Variants in ST6GAL2 observed in about 807,000 individuals in gnomAD.
The protein encoded by ST6GAL2 is beta-galactoside alpha-2,6-sialyltransferase 2.
Under a neutral mutation model 37.5 loss-of-function variants are expected in ST6GAL2, and 24 were observed. The ratio of observed to expected loss-of-function variants is 0.64; its 90% confidence interval spans 0.46 to 0.90. The LOEUF is 0.90. Ranked by LOEUF, ST6GAL2 falls within the 40% of genes least tolerant of loss-of-function variation. The pLI is 0.00. For missense variants in ST6GAL2, 715 were observed against 712.7 expected, an observed-to-expected ratio of 1.00 and a Z score of -0.04; for synonymous variants, 306 against 295.1, an observed-to-expected ratio of 1.04 and a Z score of -0.38.
intron 1 of ST6GAL2, among the ~76,000 whole-genome samples, chr2:106,868,267 GA>G: frequency 6.6e-6 from 1 of 152,262 alleles, no homozygotes; most frequent in Middle Eastern, 3.4e-3. Context: ...TGTTAAAACA[GA>G]AGGAAAAGAA....
In ST6GAL2 at chr2:106,805,044, T is replaced by C. The variant is rs540529654; in HGVS notation, c.*1634A>G. The C allele has an allele frequency of 1.3e-5, 2 of 152,314 alleles. No individual in the cohort carries two copies. Among genetic ancestry groups the C allele is most frequent in the East Asian group, 3.9e-4 (2 of 5,186 alleles). 9.4% of individuals were successfully genotyped at this position (152,314 alleles called of 1,614,324 possible). ...TCTCCTTCACTATTATAGCAAGCTA[T>C]AGGAGATGTCTTGTTTTCCAGCTCC... On this transcript the variant is annotated 3_prime_UTR_variant, in exon 6 of 6. Coordinates refer to ENST00000409382, the MANE Select transcript of ST6GAL2 (RefSeq NM_001142351.2).
At chr2:106,881,531 A>G (rs1310462184) in intron 1 of ST6GAL2, among the ~76,000 whole-genome samples, 2 of 152,170 alleles carry the variant, frequency 1.3e-5, no homozygotes, top group African/African-American at 2.4e-5. Flanking sequence ...CATTTCAGAA[A>G]AGTCATCATT....
intron 1 of ST6GAL2, among the ~76,000 whole-genome samples, chr2:106,859,639 T>C (rs764790833): frequency 5.9e-5 from 9 of 152,130 alleles, no homozygotes; most frequent in Non-Finnish European, 8.8e-5. Flanking sequence ...CAAACCCAGA[T>C]AACCCTAACT....
At chr2:106,836,036 T>C (rs2034356) in intron 2 of ST6GAL2, among the ~76,000 whole-genome samples, 89,828 of 152,068 alleles carry the variant, frequency 0.59, 28,204 homozygotes, top group Non-Finnish European at 0.73. Context: ...TTTAGGCAGA[T>C]GGAATATATC....
Position 106,802,670 on chromosome 2 carries a change from G to C in ST6GAL2, c.*4008C>G, listed in dbSNP as rs1264661157. The C allele has an allele frequency of 6.6e-6, 1 of 152,178 alleles. No homozygotes were observed. The highest frequency in any genetic ancestry group is 1.5e-5 in the Non-Finnish European group (1 of 68,028). The allele number at this position is 152,178 out of a possible 1,614,324, so 9.4% of individuals were successfully genotyped here. ...ATTAATTTCCAGATGGAGTTGCCTT[G>C]ATCAGTCATGTAACCACTGGGTAAG... is the stretch of plus-strand genomic sequence containing the variant. On this transcript the variant is annotated 3_prime_UTR_variant, in exon 6 of 6. Coordinates refer to ENST00000409382, the MANE Select transcript of ST6GAL2 (RefSeq NM_001142351.2).
chr2:106,844,290 G>T (rs747354294), intron 1 of ST6GAL2, among the ~76,000 whole-genome samples: 6 of 151,936 alleles, frequency 3.9e-5, no homozygotes, highest in Non-Finnish European at 2.9e-5. Context: ...AGAGGCGATG[G>T]ATGGGTGTAT....
At chr2:106,876,492 A>G (rs555582646) in intron 1 of ST6GAL2, among the ~76,000 whole-genome samples, 2 of 152,226 alleles carry the variant, frequency 1.3e-5, no homozygotes, top group Non-Finnish European at 2.9e-5. Context: ...TTTAAAAAAG[A>G]TAAATTGTTT....
At chr2:106,858,200 AT>A (rs1241312824) in intron 1 of ST6GAL2, among the ~76,000 whole-genome samples, 6 of 152,152 alleles carry the variant, frequency 3.9e-5, no homozygotes, top group African/African-American at 1.2e-4. Context: ...CACTTTACTC[AT>A]GTTTTTTACT....
At chr2:106,846,396 C>T (rs1222295469) in intron 1 of ST6GAL2, among the ~76,000 whole-genome samples, 2 of 152,020 alleles carry the variant, frequency 1.3e-5, no homozygotes, top group African/African-American at 4.8e-5. Context: ...TGAGTAAACT[C>T]CTACATTTTA....
At chr2:106,879,291 G>A (rs1678643382) in intron 1 of ST6GAL2, among the ~76,000 whole-genome samples, 1 of 152,208 alleles carries the variant, frequency 6.6e-6, no homozygotes, top group Non-Finnish European at 1.5e-5. Context: ...GTGGGGCAAA[G>A]TGTAGAGTGA....
intron 5 of ST6GAL2, among the ~76,000 whole-genome samples, chr2:106,811,259 C>G (rs1357094693): frequency 6.6e-6 from 1 of 151,994 alleles, no homozygotes; most frequent in African/African-American, 2.4e-5. Context: ...TAGTACTTAG[C>G]AATACACAAA....
chr2:106,847,658 C>T (rs1202835191), intron 1 of ST6GAL2, among the ~76,000 whole-genome samples: 1 of 152,202 alleles, frequency 6.6e-6, no homozygotes, highest in Non-Finnish European at 1.5e-5. Flanking sequence ...AACTGTTCAA[C>T]TACCAATCCC....
intron 5 of ST6GAL2, 51 bp from the exon 6 acceptor site, chr2:106,807,000 G>C (rs1303029562): frequency 9.9e-6 from 15 of 1,516,876 alleles, no homozygotes; most frequent in Non-Finnish European, 1.3e-5. Context: ...CATGTGAGAG[G>C]GATGAGTTTT....
chr2:106,829,999 A>G (rs1676353338), intron 5 of ST6GAL2, 67 bp downstream of exon 5: 3 of 1,428,486 alleles, frequency 2.1e-6, no homozygotes, highest in South Asian at 2.3e-5. Context: ...ACGACTGTAT[A>G]TTTGTTAAAT....
chr2:106,819,153 G>A (rs980433422), intron 5 of ST6GAL2, among the ~76,000 whole-genome samples: 2 of 152,120 alleles, frequency 1.3e-5, no homozygotes, highest in Non-Finnish European at 2.9e-5. Context: ...AGAGGAGGTA[G>A]AGCAAGATAT....
At chr2:106,884,735 T>C (rs1372848186) in intron 1 of ST6GAL2, among the ~76,000 whole-genome samples, 1 of 151,936 alleles carries the variant, frequency 6.6e-6, no homozygotes, top group Non-Finnish European at 1.5e-5. Flanking sequence ...TCCATTCACC[T>C]TTGCCAACAG....
chr2:106,834,190 A>G (rs913572993), intron 2 of ST6GAL2, 44 bp from the exon 3 acceptor site: 6 of 1,399,868 alleles, frequency 4.3e-6, no homozygotes, highest in Non-Finnish European at 6.1e-6. Context: ...TCTCTGTAGA[A>G]TCACATAATC....
chr2:106,883,001 A>C (rs1418385545), intron 1 of ST6GAL2, among the ~76,000 whole-genome samples: 1 of 152,244 alleles, frequency 6.6e-6, no homozygotes, highest in East Asian at 1.9e-4. Flanking sequence ...TGCAGGTGGC[A>C]AAGTGAAGAT....
chr2:106,815,694 A>C (rs2104427664), intron 5 of ST6GAL2, among the ~76,000 whole-genome samples: 1 of 152,334 alleles, frequency 6.6e-6, no homozygotes, highest in East Asian at 1.9e-4. Context: ...TCTTCATTTT[A>C]CAGATGAAGG....
Sources: allele counts gnomAD v4.1 joint callset (sites outside exome capture counted in the v4.1 genomes callset), GRCh38; gene constraint gnomAD v4.1.1; transcripts MANE v1.5; gene names NCBI Gene and HGNC (gene_info 2026-07-23, HGNC 2026-07-21).